Variants in RUNX2 observed in about 807,000 individuals in gnomAD.
The protein encoded by RUNX2 is runt-related transcription factor 2.
Under a neutral mutation model 51.7 loss-of-function variants are expected in RUNX2, and 10 were observed. The ratio of observed to expected loss-of-function variants is 0.19; its 90% CI spans 0.12 to 0.33. The LOEUF (loss-of-function observed/expected upper bound fraction) is 0.33. Among genes scored for constraint, RUNX2 ranks in the 10% least tolerant of loss-of-function variants. RUNX2 has a pLI of 1.00. For missense variants in RUNX2, 562 were observed against 691.3 expected (o/e 0.81, Z 2.10); for synonymous variants, 276 against 273.6 (o/e 1.01, Z -0.09).
At chr6:45,501,310 A>G (rs894004701) in intron 6 of RUNX2, among the ~76,000 whole-genome samples, 3 of 152,354 alleles carry the variant, frequency 2.0e-5, no homozygotes, top group Admixed American at 2.0e-4. Context: ...CTCTTGGAGC[A>G]GGCTCCCCCA....
At chr6:45,520,107 C>T (rs370121886) in intron 7 of RUNX2, among the ~76,000 whole-genome samples, 6 of 152,156 alleles carry the variant, frequency 3.9e-5, no homozygotes, top group African/African-American at 1.4e-4. Context: ...GCTGGGATTA[C>T]AGGTGTGAGC....
chr6:45,416,953 C>A (rs1426232591), intron 2 of RUNX2, among the ~76,000 whole-genome samples: 1 of 152,168 alleles, frequency 6.6e-6, no homozygotes, highest in Non-Finnish European at 1.5e-5. Context: ...GCTAAGTCCT[C>A]CACTACAAAC....
chr6:45,381,283 T>C (rs1329827752), intron 2 of RUNX2, among the ~76,000 whole-genome samples: 1 of 152,210 alleles, frequency 6.6e-6, no homozygotes, highest in Non-Finnish European at 1.5e-5. Context: ...TGGAATGAGA[T>C]GATAGAACCA....
chr6:45,402,509 A>C (rs1582074239), intron 2 of RUNX2, among the ~76,000 whole-genome samples: 1 of 152,212 alleles, frequency 6.6e-6, no homozygotes, highest in East Asian at 1.9e-4. Flanking sequence ...AGCTTCCTAT[A>C]ACATGCCAAA....
chr6:45,505,033 C>T lies in RUNX2; in HGVS notation c.860-7213C>T, dbSNP rs140843536. The stretch of plus-strand genomic sequence containing the variant: ...TCCTGTTACACAGAAGCCTGCTGGC[C>T]GCAGGAACAGGAAATAGCCTTTTGT... On this transcript the variant is annotated intron_variant, in intron 6 of 8. Transcript: ENST00000647337. 3.0e-3 allele frequency among the ~76,000 whole-genome samples: 460 copies of T among 152,286 alleles called. 3 individuals carry two copies. The highest frequency in any genetic ancestry group is 6.5e-3 in the African/African-American group (268 of 41,534).
intron 2 of RUNX2, among the ~76,000 whole-genome samples, chr6:45,336,210 T>C (rs1788521785): frequency 6.6e-6 from 1 of 151,488 alleles, no homozygotes; most frequent in Non-Finnish European, 1.5e-5. Flanking sequence ...TTTTTACCAC[T>C]AGTAACCACT....
chr6:45,414,462 TAA>T (rs1317268247), intron 2 of RUNX2, among the ~76,000 whole-genome samples: 2 of 152,218 alleles, frequency 1.3e-5, no homozygotes, highest in Admixed American at 1.3e-4. Context: ...AATAATTAAA[TAA>T]GTTTGTAAAT....
intron 2 of RUNX2, among the ~76,000 whole-genome samples, chr6:45,377,082 TTC>T (rs1554374311): frequency 6.8e-6 from 1 of 146,052 alleles, no homozygotes; most frequent in Non-Finnish European, 1.6e-5. Flanking sequence ...AGTGTCCTGA[TTC>T]TCTGAGAAAA....
At position 45,549,512 on chromosome 6, in the gene RUNX2, A is replaced by C; in HGVS notation, c.*2207A>C. ...AAATAAGCCACTTTTCTATTACTTA[A>C]GTAAGAAGGAAGTAGTAATTGATAC... On this transcript the variant is annotated 3_prime_UTR_variant, in exon 9 of 9. Transcript: ENST00000647337. 2.5e-6 allele frequency: 1 copy of C among 397,498 alleles called. No homozygotes were observed. Among genetic ancestry groups the C allele is most frequent in the Non-Finnish European group, 4.4e-6 (1 of 225,866 alleles). 24.6% of individuals were successfully genotyped at this position (397,498 alleles called of 1,614,324 possible).
At chr6:45,434,110 T>C (rs1410721378) in intron 4 of RUNX2, among the ~76,000 whole-genome samples, 1 of 152,088 alleles carries the variant, frequency 6.6e-6, no homozygotes, top group Admixed American at 6.6e-5. Flanking sequence ...TTTATATCAC[T>C]GCATTAACAT....
At chr6:45,427,004 T>C (rs13437231) in intron 3 of RUNX2, among the ~76,000 whole-genome samples, 11,903 of 152,242 alleles carry the variant, frequency 0.078, 603 homozygotes, top group African/African-American at 0.15. Flanking sequence ...TTAACCGTAA[T>C]ATAAATTATT....
At chr6:45,340,172 GT>G (rs1328228889) in intron 2 of RUNX2, among the ~76,000 whole-genome samples, 9 of 152,196 alleles carry the variant, frequency 5.9e-5, no homozygotes, top group Admixed American at 4.6e-4. Context: ...TTATTCTAAA[GT>G]TATTAAACCA....
chr6:45,378,754 C>T (rs540395748), intron 2 of RUNX2, among the ~76,000 whole-genome samples: 92 of 150,454 alleles, frequency 6.1e-4, no homozygotes, highest in Middle Eastern at 6.8e-3. Flanking sequence ...TACATTCTGT[C>T]CTGCCACATT....
intron 2 of RUNX2, among the ~76,000 whole-genome samples, chr6:45,367,074 T>A (rs1795257625): frequency 1.3e-5 from 2 of 152,216 alleles, no homozygotes; most frequent in South Asian, 4.1e-4. Context: ...AAAAAGCTAC[T>A]ACAAATCACT....
intron 2 of RUNX2, among the ~76,000 whole-genome samples, chr6:45,345,210 G>A (rs1790599839): frequency 6.6e-6 from 1 of 152,018 alleles, no homozygotes; most frequent in Non-Finnish European, 1.5e-5. Context: ...TTACAATTTA[G>A]TATTATAAAT....
intron 2 of RUNX2, among the ~76,000 whole-genome samples, chr6:45,346,118 A>G (rs977660011): frequency 1.3e-5 from 2 of 152,114 alleles, no homozygotes; most frequent in Admixed American, 1.3e-4. Flanking sequence ...CCATATTCCT[A>G]TAGTAGCATA....
intron 5 of RUNX2, among the ~76,000 whole-genome samples, chr6:45,491,206 G>C (rs889548787): frequency 6.6e-6 from 1 of 152,122 alleles, no homozygotes; most frequent in South Asian, 2.1e-4. Context: ...TTTACTTAAA[G>C]AGTGTATTTC....
At chr6:45,390,016 A>G (rs1030279448) in intron 2 of RUNX2, among the ~76,000 whole-genome samples, 3 of 152,184 alleles carry the variant, frequency 2.0e-5, no homozygotes, top group Admixed American at 2.0e-4. Flanking sequence ...AAAAAAAAAA[A>G]AAAGTTATTT....
chr6:45,372,251 ACTT>A (rs1266654241), intron 2 of RUNX2, among the ~76,000 whole-genome samples: 1 of 152,182 alleles, frequency 6.6e-6, no homozygotes, highest in Non-Finnish European at 1.5e-5. Flanking sequence ...GATTAAAATT[ACTT>A]CTCTTATAGG....
Sources: gnomAD v4.1 joint callset for allele counts (sites outside exome capture counted in the v4.1 genomes callset) on GRCh38, gnomAD v4.1.1 for gene constraint, MANE v1.5 for transcripts, NCBI Gene and HGNC (gene_info 2026-07-23, HGNC 2026-07-21) for gene names.